The following STXBP4 variants were observed in gnomAD, a reference collection of about 807,000 sequenced individuals.
The protein encoded by STXBP4 is syntaxin-binding protein 4.
STXBP4 carries 55 observed loss-of-function variants against 76.1 expected under a neutral mutation model. The observed-to-expected ratio is 0.72, with a 90% CI of 0.58 to 0.91. The LOEUF (loss-of-function observed/expected upper bound fraction) is 0.91, where lower values mean the gene tolerates loss of function less well. Ranked by LOEUF, STXBP4 falls within the 40% of genes least tolerant of loss-of-function variation. The pLI is 0.00. For synonymous variants in STXBP4, 201 were observed against 220.2 expected, an observed-to-expected ratio of 0.91 and a Z score of 0.77; for missense variants, 618 against 636.9, an observed-to-expected ratio of 0.97 and a Z score of 0.32.
At chr17:55,026,251 G>T (rs1405330657) in intron 8 of STXBP4, among the ~76,000 whole-genome samples, 1 of 152,104 alleles carries the variant, frequency 6.6e-6, no homozygotes, top group Admixed American at 6.5e-5. Context: ...TTCAGAAATG[G>T]ATAAGGTGAC....
intron 8 of STXBP4, among the ~76,000 whole-genome samples, chr17:55,015,262 AGC>A (rs1358043561): frequency 2.0e-5 from 3 of 152,176 alleles, no homozygotes; most frequent in Non-Finnish European, 2.9e-5. Flanking sequence ...CACGCAAGTT[AGC>A]AAATGTCTGT....
intron 17 of STXBP4, among the ~76,000 whole-genome samples, chr17:55,148,205 A>T (rs188899625): frequency 2.6e-5 from 4 of 152,352 alleles, no homozygotes; most frequent in African/African-American, 9.6e-5. Context: ...TAAGACAGCC[A>T]GTTAGTTTGT....
intron 4 of STXBP4, among the ~76,000 whole-genome samples, chr17:54,996,269 G>T (rs2077800647): frequency 6.7e-6 from 1 of 149,662 alleles, no homozygotes; most frequent in Non-Finnish European, 1.5e-5. Flanking sequence ...GAATTCATAT[G>T]TGTGAAAACA....
intron 12 of STXBP4, among the ~76,000 whole-genome samples, chr17:55,057,932 A>G: frequency 6.6e-6 from 1 of 152,044 alleles, no homozygotes; most frequent in Non-Finnish European, 1.5e-5. Flanking sequence ...TATATGCCAC[A>G]TTTTCTTCAT....
At chr17:54,994,506 A>G (rs1156789) in intron 4 of STXBP4, among the ~76,000 whole-genome samples, 23,927 of 152,198 alleles carry the variant, frequency 0.16, 2,361 homozygotes, top group Admixed American at 0.31. Flanking sequence ...AACACTGTTC[A>G]ATTCATTAAC....
At chr17:55,098,184 C>T (rs1025063485) in intron 16 of STXBP4, among the ~76,000 whole-genome samples, 5 of 152,102 alleles carry the variant, frequency 3.3e-5, no homozygotes, top group Non-Finnish European at 7.3e-5. Flanking sequence ...TACATTACTT[C>T]TCTGAGAACA....
chr17:55,157,552 C>G (rs1416452433), intron 17 of STXBP4, among the ~76,000 whole-genome samples: 1 of 152,184 alleles, frequency 6.6e-6, no homozygotes, highest in Admixed American at 6.5e-5. Flanking sequence ...TCTTTGTACA[C>G]TAAACCACAC....
At chr17:54,978,227 C>T (rs928014779) in intron 1 of STXBP4, among the ~76,000 whole-genome samples, 3 of 152,296 alleles carry the variant, frequency 2.0e-5, no homozygotes, top group African/African-American at 4.8e-5. Flanking sequence ...ATGATTTTGA[C>T]ATCGTACATA....
intron 16 of STXBP4, among the ~76,000 whole-genome samples, chr17:55,101,088 G>A (rs533898753): frequency 1.6e-4 from 24 of 152,178 alleles, no homozygotes; most frequent in South Asian, 1.2e-3. Context: ...TAATATACAT[G>A]TATTGTTTAT....
intron 17 of STXBP4, among the ~76,000 whole-genome samples, chr17:55,153,395 A>G (rs2080237430): frequency 6.6e-6 from 1 of 152,218 alleles, no homozygotes; most frequent in Admixed American, 6.5e-5. Flanking sequence ...AAATACTTCA[A>G]GACATTAGAG....
At chr17:55,026,366 GA>G (rs1243995360) in intron 8 of STXBP4, among the ~76,000 whole-genome samples, 2 of 152,134 alleles carry the variant, frequency 1.3e-5, no homozygotes, top group Non-Finnish European at 2.9e-5. Context: ...TGGTAGATTA[GA>G]GCGGTATTAG....
chr17:54,980,935 GTT>G (rs56044821), intron 1 of STXBP4, among the ~76,000 whole-genome samples: 3 of 140,448 alleles, frequency 2.1e-5, no homozygotes, highest in East Asian at 2.1e-4. Flanking sequence ...ATTTTTTTGC[GTT>G]TTTTTTTTGT....
intron 1 of STXBP4, among the ~76,000 whole-genome samples, chr17:54,970,633 G>A (rs17745332): frequency 0.31 from 47,388 of 152,000 alleles, 7,726 homozygotes; most frequent in African/African-American, 0.37. Context: ...GCTCTTCTAG[G>A]ATGAGATTTC....
chr17:55,155,252 T>C (rs2080264214), intron 17 of STXBP4, among the ~76,000 whole-genome samples: 1 of 152,120 alleles, frequency 6.6e-6, no homozygotes, highest in African/African-American at 2.4e-5. Flanking sequence ...TATATGCTGC[T>C]TTATCATGGT....
At chr17:55,110,185 G>C (rs1247697138) in intron 16 of STXBP4, among the ~76,000 whole-genome samples, 2 of 151,896 alleles carry the variant, frequency 1.3e-5, no homozygotes, top group East Asian at 3.8e-4. Flanking sequence ...ACATCACTCT[G>C]ACACTGACTC....
intron 12 of STXBP4, among the ~76,000 whole-genome samples, chr17:55,055,723 C>T (rs186538157): frequency 6.6e-6 from 1 of 152,306 alleles, no homozygotes; most frequent in Admixed American, 6.5e-5. Flanking sequence ...TCAGCTCTTT[C>T]CACACTTCTC....
At chr17:55,196,118 T>A in the STXBP4 span, among the ~76,000 whole-genome samples, 14 of 152,144 alleles carry the variant, frequency 9.2e-5, no homozygotes, top group Non-Finnish European at 2.1e-4. Context: ...CTGAACCCCC[T>A]CAATATGGGT....
At chr17:55,103,843 C>G (rs1477906171) in intron 16 of STXBP4, among the ~76,000 whole-genome samples, 1 of 152,102 alleles carries the variant, frequency 6.6e-6, no homozygotes, top group East Asian at 1.9e-4. Flanking sequence ...GGCCCTTCAC[C>G]TCCATTGTAA....
intron 16 of STXBP4, among the ~76,000 whole-genome samples, chr17:55,113,634 T>A (rs181727): frequency 6.6e-6 from 1 of 151,140 alleles, no homozygotes; most frequent in South Asian, 2.1e-4. Flanking sequence ...TCTGCTGATA[T>A]AAAAAAAAAG....
Sources: gnomAD v4.1 joint callset for allele counts (sites outside exome capture counted in the v4.1 genomes callset) on GRCh38, gnomAD v4.1.1 for gene constraint, MANE v1.5 for transcripts, NCBI Gene and HGNC (gene_info 2026-07-23, HGNC 2026-07-21) for gene names.